The following TMEM138 variants were observed in gnomAD, a reference collection of about 807,000 sequenced individuals.
TMEM138 encodes transmembrane protein 138.
TMEM138 carries 9 observed loss-of-function variants against 18.1 expected under a neutral mutation model. The observed-to-expected ratio is 0.50, with a 90% CI of 0.30 to 0.87. The LOEUF (loss-of-function observed/expected upper bound fraction) is 0.87. Among genes scored for constraint, TMEM138 ranks in the 40% least tolerant of loss-of-function variants. The probability of loss-of-function intolerance (pLI) is 0.06; values close to 1 mark genes in which losing one functional copy is unlikely to be tolerated. For synonymous variants in TMEM138, 79 were observed against 74.8 expected, an observed-to-expected ratio of 1.06 and a Z score of -0.29; for missense variants, 189 against 190.6, an observed-to-expected ratio of 0.99 and a Z score of 0.05.
chr11:61,370,466 A>C (rs1240108171), downstream of TMEM138, among the ~76,000 whole-genome samples: 2 of 152,206 alleles, frequency 1.3e-5, no homozygotes, highest in African/African-American at 4.8e-5. Flanking sequence ...ATACATCAGC[A>C]AGGTAGAGGG....
chr11:61,369,834 C>T (rs572865001), downstream of TMEM138, among the ~76,000 whole-genome samples: 7 of 152,314 alleles, frequency 4.6e-5, no homozygotes, highest in South Asian at 1.2e-3. Flanking sequence ...GCTCACACGC[C>T]AGTGGCAGAG....
downstream of TMEM138, among the ~76,000 whole-genome samples, chr11:61,371,991 C>T (rs929159344): frequency 2.0e-5 from 3 of 151,886 alleles, no homozygotes; most frequent in South Asian, 2.1e-4. Context: ...GCCTGGCCAA[C>T]GTGGTGAAAC....
chr11:61,369,435 C>G lies in TMEM138; in HGVS notation c.*726C>G, dbSNP rs1328509216. ...CAGATGTGTGTGCTCTGTTCAGACT[C>G]TCTTTCCTTATCAGAAGCCTTAACT... On this transcript the variant is annotated 3_prime_UTR_variant, in exon 5 of 5. Transcript: ENST00000278826. 1 of 152,246 alleles carries G rather than the reference C, an allele frequency of 6.6e-6. No homozygotes were observed. Among genetic ancestry groups the G allele is most frequent in the Non-Finnish European group, 1.5e-5 (1 of 68,044 alleles). 9.4% of individuals were successfully genotyped at this position (152,246 alleles called of 1,614,324 possible). A position where few individuals can be genotyped will look rare whatever the true frequency, so the allele number is the denominator to read the frequency against.
chr11:61,364,467 C>T lies in TMEM138; in HGVS notation c.77C>T (p.Ser26Phe), dbSNP rs1174680976. The T allele has an allele frequency of 1.9e-6, 3 of 1,614,118 alleles. No individual in the cohort carries two copies. Among genetic ancestry groups the T allele is most frequent in the Non-Finnish European group, 2.5e-6 (3 of 1,180,044 alleles). ...LLLSYDLFVN[S>F]FSELLQKTPV... ...CTGTCCTATGACCTCTTTGTCAATT[C>T]CTTCTCAGAACTGCTCCAAAAGACT... The change falls in exon 2 of 5, where the codon TCC becomes TTC. Residue 26 changes from serine (S) to phenylalanine (F), a missense_variant. Ser to Phe is a radical substitution (Grantham distance 155). Coordinates refer to ENST00000278826, the MANE Select transcript of TMEM138 (RefSeq NM_016464.5).
In TMEM138 at chr11:61,367,946, C is replaced by T. The variant is rs1858211487; in HGVS notation, c.324C>T (p.Asn108=). Residue 108 remains asparagine (N), a synonymous_variant, in exon 4 of 5, where the codon AAC becomes AAT. Coordinates refer to ENST00000278826, the MANE Select transcript of TMEM138 (RefSeq NM_016464.5). ...AGAACTTACGCTGGAAAAACTCCAA[C>T]AGCTTCATATGGACAGATGGACTTC... ...WVMNLRWKNS[N]SFIWTDGLQM... 1 of 1,613,456 alleles carries T rather than the reference C, an allele frequency of 6.2e-7. No individual in the cohort carries two copies. Among genetic ancestry groups the T allele is most frequent in the Middle Eastern group, 1.7e-4 (1 of 6,028 alleles).
At chr11:61,364,930 G>A (rs1386910415) in intron 2 of TMEM138, 1 of 150,346 alleles carries the variant, frequency 6.7e-6, no homozygotes, top group African/African-American at 2.5e-5. Context: ...GTTCACGCTT[G>A]TAATCCCAAC....
chr11:61,373,510 CT>C (rs556189963), downstream of TMEM138, among the ~76,000 whole-genome samples: 303 of 141,778 alleles, frequency 2.1e-3, no homozygotes, highest in Non-Finnish European at 2.2e-3. Flanking sequence ...AGGTTTTTAC[CT>C]TTTTTTTTTT....
downstream of TMEM138, among the ~76,000 whole-genome samples, chr11:61,376,695 G>A (rs1858440241): frequency 6.6e-6 from 1 of 152,066 alleles, no homozygotes; most frequent in Non-Finnish European, 1.5e-5. Flanking sequence ...AGAGTAATGT[G>A]GCTTATAGCA....
chr11:61,368,361 G>A (rs1858228378), intron 4 of TMEM138: 1 of 510,044 alleles, frequency 2.0e-6, no homozygotes, highest in Admixed American at 3.2e-5. Flanking sequence ...GAGTAGCTGG[G>A]ACTACAGGCG....
chr11:61,364,579 G>T, intron 2 of TMEM138, 61 bp downstream of exon 2: 1 of 1,604,910 alleles, frequency 6.2e-7, no homozygotes, highest in Non-Finnish European at 8.5e-7. Flanking sequence ...CCTGACAGTG[G>T]TGATTTAGTG....
downstream of TMEM138, among the ~76,000 whole-genome samples, chr11:61,374,717 A>T (rs1394375569): frequency 2.6e-5 from 4 of 152,176 alleles, no homozygotes; most frequent in Admixed American, 2.6e-4. Context: ...TGGGAGGCCA[A>T]GGTGGGCAGA....
chr11:61,372,415 C>T (rs1379028231), downstream of TMEM138, among the ~76,000 whole-genome samples: 1 of 150,936 alleles, frequency 6.6e-6, no homozygotes, highest in Non-Finnish European at 1.5e-5. Flanking sequence ...GATTCTCCTG[C>T]CTCAGCCTCC....
chr11:61,369,606 T>G (rs897125225), downstream of TMEM138: 3 of 152,266 alleles, frequency 2.0e-5, no homozygotes, highest in African/African-American at 7.2e-5. Context: ...AATCAACAGC[T>G]GCCTGGCTCT....
downstream of TMEM138, among the ~76,000 whole-genome samples, chr11:61,376,166 T>C (rs1356758999): frequency 1.3e-5 from 2 of 152,114 alleles, no homozygotes; most frequent in African/African-American, 4.8e-5. Context: ...CTGGCCAACA[T>C]GGTGAAACCC....
intron 3 of TMEM138, 135 bp from the exon 4 acceptor site, chr11:61,367,788 C>T (rs1397072499): frequency 1.9e-5 from 13 of 667,658 alleles, no homozygotes; most frequent in Non-Finnish European, 3.0e-5. Context: ...CTTCGAGAAA[C>T]GCTCCTTGGG....
downstream of TMEM138, among the ~76,000 whole-genome samples, chr11:61,375,835 G>A (rs928707517): frequency 7.2e-5 from 11 of 152,098 alleles, no homozygotes; most frequent in Non-Finnish European, 1.5e-4. Flanking sequence ...CCACACAGCC[G>A]CTGTCCAAGG....
downstream of TMEM138, among the ~76,000 whole-genome samples, chr11:61,373,825 ATTATTTT>A (rs1240580654): frequency 1.1e-4 from 16 of 151,796 alleles, no homozygotes; most frequent in African/African-American, 3.9e-4. Context: ...GACTCCTATA[ATTATTTT>A]TTATTTTTTA....
downstream of TMEM138, among the ~76,000 whole-genome samples, chr11:61,373,377 C>G (rs1590633365): frequency 6.6e-6 from 1 of 152,164 alleles, no homozygotes; most frequent in East Asian, 1.9e-4. Flanking sequence ...GAAGCAGTAA[C>G]TGACTCCTTA....
Position 61,366,155 on chromosome 11 carries a change from G to A in TMEM138, c.239G>A (p.Gly80Glu). ...LVNLLFHKFK[G>E]TIILTAVYFA... ...AACCTCCTATTCCATAAGTTCAAAG[G>A]GACCATCATCCTGACAGCTGTGTAC... The change falls in exon 3 of 5, where the codon GGG (glycine) becomes GAG (glutamate). Residue 80 changes from glycine to glutamate, a missense_variant. Physicochemically the swap from Gly to Glu is moderately conservative, Grantham distance 98. Coordinates refer to ENST00000278826, the MANE Select transcript of TMEM138 (RefSeq NM_016464.5). 6.2e-7 allele frequency: 1 copy of A among 1,614,104 alleles called. No homozygotes were observed. The highest frequency in any genetic ancestry group is 8.5e-7 in the Non-Finnish European group (1 of 1,180,012).
Sources: gnomAD v4.1 joint callset for allele counts (sites outside exome capture counted in the v4.1 genomes callset) on GRCh38, gnomAD v4.1.1 for gene constraint, MANE v1.5 for transcripts, NCBI Gene and HGNC (gene_info 2026-07-23, HGNC 2026-07-21) for gene names.